RBMS3: variants seen among roughly 807,000 people sequenced by gnomAD.
RBMS3 encodes RNA-binding motif, single-stranded-interacting protein 3.
RBMS3 carries 27 observed loss-of-function variants against 66.8 expected under a neutral mutation model. The observed-to-expected ratio is 0.40, with a 90% confidence interval of 0.30 to 0.56. The LOEUF (loss-of-function observed/expected upper bound fraction) is 0.56, where lower values mean the gene tolerates loss of function less well. Among genes scored for constraint, RBMS3 ranks in the 20% least tolerant of loss-of-function variants. The probability of loss-of-function intolerance (pLI) is 0.40; values close to 1 mark genes in which losing one functional copy is unlikely to be tolerated. For synonymous variants in RBMS3, 188 were observed against 183.0 expected (o/e 1.03, Z -0.22); for missense variants, 513 against 549.5 (o/e 0.93, Z 0.66).
chr3:29,649,483 A>G (rs1225106987), intron 4 of RBMS3, among the ~76,000 whole-genome samples: 1 of 152,204 alleles, frequency 6.6e-6, no homozygotes, highest in Non-Finnish European at 1.5e-5. Flanking sequence ...TGAAGTAAAT[A>G]TATGATTTTT....
chr3:29,396,059 A>G (rs1471400182), intron 1 of RBMS3, among the ~76,000 whole-genome samples: 5 of 152,172 alleles, frequency 3.3e-5, no homozygotes, highest in Admixed American at 6.5e-5. Flanking sequence ...TTAGATAACA[A>G]TTTGATCAGG....
intron 4 of RBMS3, among the ~76,000 whole-genome samples, chr3:29,658,152 G>A (rs951102447): frequency 3.3e-5 from 5 of 152,116 alleles, no homozygotes; most frequent in African/African-American, 4.8e-5. Flanking sequence ...AATAGGACCC[G>A]TGATGTCTTA....
At chr3:29,716,734 G>T (rs560097604) in intron 4 of RBMS3, among the ~76,000 whole-genome samples, 1 of 152,112 alleles carries the variant, frequency 6.6e-6, no homozygotes, top group South Asian at 2.1e-4. Context: ...AGGCAAAAAA[G>T]GCATCTACAT....
intron 12 of RBMS3, among the ~76,000 whole-genome samples, chr3:29,970,298 C>T (rs1697140163): frequency 6.6e-6 from 1 of 152,008 alleles, no homozygotes; most frequent in Admixed American, 6.6e-5. Flanking sequence ...CTAGGTGAGA[C>T]CAGATCAAGA....
intron 4 of RBMS3, among the ~76,000 whole-genome samples, chr3:29,622,909 G>A (rs1334048447): frequency 6.6e-6 from 1 of 152,152 alleles, no homozygotes; most frequent in Non-Finnish European, 1.5e-5. Context: ...GAGGTCAGGA[G>A]ATGGAGACCA....
At chr3:29,291,946 G>A (rs768250959) in intron 1 of RBMS3, among the ~76,000 whole-genome samples, 1 of 151,674 alleles carries the variant, frequency 6.6e-6, no homozygotes, top group East Asian at 2.0e-4. Context: ...GGAAAATCAA[G>A]ATCCCAAGCC....
At chr3:29,645,509 C>T (rs1226297786) in intron 4 of RBMS3, among the ~76,000 whole-genome samples, 1 of 152,142 alleles carries the variant, frequency 6.6e-6, no homozygotes, top group African/African-American at 2.4e-5. Context: ...AACTTCTGTA[C>T]AAAGAGTGCT....
At chr3:29,993,081 A>G (rs1384300927) in intron 14 of RBMS3, among the ~76,000 whole-genome samples, 3 of 151,854 alleles carry the variant, frequency 2.0e-5, no homozygotes, top group Non-Finnish European at 4.4e-5. Flanking sequence ...GTCTAAAGTC[A>G]GTTTTACAAA....
intron 8 of RBMS3, among the ~76,000 whole-genome samples, chr3:29,886,150 A>C (rs1209376929): frequency 6.6e-6 from 1 of 151,914 alleles, no homozygotes; most frequent in Non-Finnish European, 1.5e-5. Context: ...CAAAAAATAA[A>C]ATCAGTAGTA....
intron 4 of RBMS3, among the ~76,000 whole-genome samples, chr3:29,699,138 G>T (rs546325773): frequency 1.3e-5 from 2 of 152,180 alleles, no homozygotes; most frequent in African/African-American, 2.4e-5. Flanking sequence ...TTGAAAGAAG[G>T]TTTCAAATGT....
intron 6 of RBMS3, among the ~76,000 whole-genome samples, chr3:29,810,107 C>T (rs1369445355): frequency 6.3e-4 from 96 of 151,914 alleles, no homozygotes; most frequent in Non-Finnish European, 2.4e-4. Flanking sequence ...TTATAGTATA[C>T]GCTTTGTTAA....
chr3:29,291,139 T>G (rs6549922), intron 1 of RBMS3, among the ~76,000 whole-genome samples: 136,553 of 151,892 alleles, frequency 0.9, 61,502 homozygotes, highest in Middle Eastern at 0.93. Flanking sequence ...ATTATGTTTT[T>G]TAGATATGCA....
chr3:29,680,804 A>G (rs2051454990), intron 4 of RBMS3, among the ~76,000 whole-genome samples: 1 of 152,156 alleles, frequency 6.6e-6, no homozygotes, highest in Non-Finnish European at 1.5e-5. Context: ...AACATTCAGC[A>G]TGTATATCAT....
intron 8 of RBMS3, among the ~76,000 whole-genome samples, chr3:29,892,582 A>G (rs2060027532): frequency 1.3e-5 from 2 of 151,546 alleles, no homozygotes; most frequent in African/African-American, 4.8e-5. Context: ...GGCACTTGGT[A>G]TATACATAAT....
At chr3:29,755,383 T>G (rs375337967) in intron 5 of RBMS3, among the ~76,000 whole-genome samples, 1 of 152,306 alleles carries the variant, frequency 6.6e-6, no homozygotes, top group East Asian at 1.9e-4. Flanking sequence ...TTGGGATAAT[T>G]TTTTTACTCC....
chr3:29,845,886 G>A (rs528319311), intron 6 of RBMS3, among the ~76,000 whole-genome samples: 5 of 152,126 alleles, frequency 3.3e-5, no homozygotes, highest in Non-Finnish European at 5.9e-5. Flanking sequence ...AGATATGAAT[G>A]ATGTAAAGAT....
At chr3:29,410,139 G>A (rs2040201273) in intron 1 of RBMS3, among the ~76,000 whole-genome samples, 1 of 152,134 alleles carries the variant, frequency 6.6e-6, no homozygotes, top group African/African-American at 2.4e-5. Context: ...TTTTGGATAT[G>A]TTTCACTAAT....
intron 3 of RBMS3, among the ~76,000 whole-genome samples, chr3:29,582,684 T>G (rs758559183): frequency 8.5e-5 from 13 of 152,192 alleles, no homozygotes; most frequent in Non-Finnish European, 1.6e-4. Flanking sequence ...GGTACAGAGG[T>G]TGCTGTTCCC....
chr3:29,802,609 G>T (rs1467545999), intron 6 of RBMS3, among the ~76,000 whole-genome samples: 3 of 152,132 alleles, frequency 2.0e-5, no homozygotes, highest in Non-Finnish European at 4.4e-5. Flanking sequence ...TAAAGCAATA[G>T]TTATTTTAGC....
Sources: allele counts gnomAD v4.1 joint callset (sites outside exome capture counted in the v4.1 genomes callset), GRCh38; gene constraint gnomAD v4.1.1; transcripts MANE v1.5; gene names NCBI Gene and HGNC (gene_info 2026-07-23, HGNC 2026-07-21).